EPHA6: variants seen among roughly 807,000 people sequenced by gnomAD.
EPHA6 encodes EPH receptor A6.
A neutral mutation model predicts 112.0 loss-of-function variants in EPHA6; 50 were observed. The ratio of observed to expected loss-of-function variants is 0.45; its 90% confidence interval spans 0.36 to 0.56. The LOEUF (loss-of-function observed/expected upper bound fraction) is 0.56. EPHA6 is among the 20% of genes least tolerant of loss of function. EPHA6 has a pLI of 0.00. For missense variants in EPHA6, 1,280 were observed against 1,417.4 expected (o/e 0.90, Z 1.56); for synonymous variants, 529 against 490.7 (o/e 1.08, Z -1.03).
intron 3 of EPHA6, among the ~76,000 whole-genome samples, chr3:96,989,442 T>A (rs2043138582): frequency 6.6e-6 from 1 of 152,174 alleles, no homozygotes; most frequent in South Asian, 2.1e-4. Context: ...TTTATCAAAA[T>A]TTTTATTCAC....
intron 4 of EPHA6, among the ~76,000 whole-genome samples, chr3:97,230,267 G>A (rs138768098): frequency 2.0e-5 from 3 of 152,236 alleles, no homozygotes; most frequent in African/African-American, 7.2e-5. Flanking sequence ...GTCAATAATT[G>A]AGAAGGCTTA....
chr3:96,914,791 C>T (rs1576018563), intron 2 of EPHA6, among the ~76,000 whole-genome samples: 1 of 151,976 alleles, frequency 6.6e-6, no homozygotes, highest in East Asian at 1.9e-4. Flanking sequence ...CATACTCTTT[C>T]TGTTGCTGAG....
At chr3:97,041,621 G>T (rs1313254784) in intron 3 of EPHA6, among the ~76,000 whole-genome samples, 1 of 151,928 alleles carries the variant, frequency 6.6e-6, no homozygotes, top group Non-Finnish European at 1.5e-5. Context: ...TTCTCACATC[G>T]CTATTAAAAG....
At chr3:96,835,801 A>C in intron 1 of EPHA6, among the ~76,000 whole-genome samples, 1 of 152,028 alleles carries the variant, frequency 6.6e-6, no homozygotes, top group East Asian at 1.9e-4. Context: ...GAAGACTCTT[A>C]ATTATTAAGT....
At chr3:97,623,680 A>G (rs2093831803) in intron 13 of EPHA6, among the ~76,000 whole-genome samples, 1 of 151,654 alleles carries the variant, frequency 6.6e-6, no homozygotes, top group Non-Finnish European at 1.5e-5. Flanking sequence ...AATAGCATTA[A>G]TCCCATTCAT....
chr3:97,014,543 T>C (rs2044202140), intron 3 of EPHA6, among the ~76,000 whole-genome samples: 1 of 152,168 alleles, frequency 6.6e-6, no homozygotes, highest in South Asian at 2.1e-4. Context: ...CATCTCTTCT[T>C]CCATTAAAGT....
chr3:96,865,127 C>T (rs1470026020), intron 1 of EPHA6, among the ~76,000 whole-genome samples: 5 of 151,792 alleles, frequency 3.3e-5, no homozygotes. Flanking sequence ...AAATTTCTCA[C>T]AATAAAAATT....
intron 14 of EPHA6, among the ~76,000 whole-genome samples, chr3:97,706,395 A>C (rs2033677589): frequency 6.6e-6 from 1 of 152,234 alleles, no homozygotes; most frequent in Non-Finnish European, 1.5e-5. Context: ...TGACAGATGC[A>C]ACCCAAATTA....
At chr3:97,640,738 C>G (rs1478691692) in intron 14 of EPHA6, among the ~76,000 whole-genome samples, 2 of 151,938 alleles carry the variant, frequency 1.3e-5, no homozygotes, top group East Asian at 3.9e-4. Context: ...TGAGATCATG[C>G]CATTGAACTC....
intron 4 of EPHA6, among the ~76,000 whole-genome samples, chr3:97,242,075 A>G (rs569583404): frequency 6.6e-6 from 1 of 151,606 alleles, no homozygotes; most frequent in East Asian, 1.9e-4. Flanking sequence ...GTTTCTGTAA[A>G]CCCTATGGAA....
At chr3:97,002,435 A>C in intron 3 of EPHA6, among the ~76,000 whole-genome samples, 1 of 149,678 alleles carries the variant, frequency 6.7e-6, no homozygotes, top group East Asian at 2.0e-4. Context: ...ATTCTCTTTC[A>C]TCTATTGAGG....
chr3:97,081,544 G>A (rs1172287755), intron 3 of EPHA6, among the ~76,000 whole-genome samples: 1 of 151,720 alleles, frequency 6.6e-6, no homozygotes, highest in Non-Finnish European at 1.5e-5. Context: ...TTCCAGGTTA[G>A]ATTGAAACTG....
At chr3:97,162,029 C>G (rs2076427382) in intron 3 of EPHA6, among the ~76,000 whole-genome samples, 1 of 152,176 alleles carries the variant, frequency 6.6e-6, no homozygotes, top group Non-Finnish European at 1.5e-5. Flanking sequence ...AAATCAATAG[C>G]TGCATATCAG....
intron 3 of EPHA6, among the ~76,000 whole-genome samples, chr3:97,179,771 T>G (rs995183780): frequency 7.6e-6 from 1 of 130,920 alleles, no homozygotes; most frequent in Non-Finnish European, 1.5e-5. Flanking sequence ...CCTGAACCAC[T>G]TAAAGCTGGA....
At chr3:97,605,254 G>T (rs555956941) in intron 12 of EPHA6, among the ~76,000 whole-genome samples, 6 of 151,388 alleles carry the variant, frequency 4.0e-5, no homozygotes, top group Non-Finnish European at 8.9e-5. Flanking sequence ...AGAGGAAGGT[G>T]CAAGTAAAGT....
At chr3:97,141,526 C>T (rs552567168) in intron 3 of EPHA6, among the ~76,000 whole-genome samples, 4 of 152,006 alleles carry the variant, frequency 2.6e-5, no homozygotes, top group South Asian at 4.2e-4. Context: ...CGTCAGTGCA[C>T]GAGGAGAACA....
At chr3:97,135,151 G>T (rs961976513) in intron 3 of EPHA6, among the ~76,000 whole-genome samples, 1 of 152,130 alleles carries the variant, frequency 6.6e-6, no homozygotes, top group Non-Finnish European at 1.5e-5. Flanking sequence ...GAAAATACAC[G>T]TATTTCAGTT....
chr3:97,101,699 C>A (rs991195626), intron 3 of EPHA6, among the ~76,000 whole-genome samples: 3 of 152,016 alleles, frequency 2.0e-5, no homozygotes, highest in East Asian at 1.9e-4. Context: ...AGACATTTTA[C>A]TTTTTGGAAA....
chr3:97,399,378 A>G (rs2086859796), intron 5 of EPHA6, among the ~76,000 whole-genome samples: 2 of 151,578 alleles, frequency 1.3e-5, no homozygotes, highest in African/African-American at 4.8e-5. Context: ...TATCTTAGCT[A>G]TGGTGAATAC....
Sources: allele counts gnomAD v4.1 joint callset (sites outside exome capture counted in the v4.1 genomes callset), GRCh38; gene constraint gnomAD v4.1.1; transcripts MANE v1.5; gene names NCBI Gene and HGNC (gene_info 2026-07-23, HGNC 2026-07-21).